The following ISG20 variants were observed in gnomAD, a reference collection of about 807,000 sequenced individuals.
ISG20 encodes the protein interferon stimulated exonuclease gene 20, also known as interferon-stimulated gene 20 kDa protein.
A neutral mutation model predicts 11.1 loss-of-function variants in ISG20; 8 were observed. That is an observed-to-expected ratio of 0.72 (90% CI 0.42 to 1.30). ISG20 has a LOEUF of 1.30. ISG20 is among the 50% of genes most tolerant of loss of function. ISG20 has a pLI of 0.01. For synonymous variants in ISG20, 110 were observed against 101.7 expected, an observed-to-expected ratio of 1.08 and a Z score of -0.49; for missense variants, 243 against 250.2, an observed-to-expected ratio of 0.97 and a Z score of 0.19.
intron 3 of ISG20, among the ~76,000 whole-genome samples, chr15:88,653,010 G>A (rs900494968): frequency 2.6e-5 from 4 of 151,986 alleles, no homozygotes; most frequent in Non-Finnish European, 4.4e-5. Flanking sequence ...AAAGGCATAC[G>A]GATATGGGGG....
intron 3 of ISG20, among the ~76,000 whole-genome samples, chr15:88,653,347 A>C (rs148800195): frequency 6.6e-6 from 1 of 152,254 alleles, no homozygotes; most frequent in Non-Finnish European, 1.5e-5. Context: ...GTCTTAGTCA[A>C]GGAGGGCAGA....
rs755528093 is a variant in ISG20 at position 88,652,160 on chromosome 15, C to A, written c.279C>A (p.His93Gln). The change falls in exon 3 of 4, where the codon CAC (histidine) becomes CAA (glutamine). Residue 93 changes from histidine (H) to glutamine (Q), a missense_variant. His to Gln is a conservative substitution (Grantham distance 24). Transcript: ENST00000306072. ...GKLVVGHDLKHDFQALKEDMS... is the reference protein window; with the variant it reads ...GKLVVGHDLKQDFQALKEDMS... The stretch of plus-strand genomic sequence containing the variant: ...TGGTGGTGGGTCATGACCTGAAGCA[C>A]GACTTCCAGGCACTGAAAGAGGACA... The A allele has an allele frequency of 2.5e-6, 4 of 1,614,086 alleles. No individual in the cohort carries two copies. The highest frequency in any genetic ancestry group is 3.4e-6 in the Non-Finnish European group (4 of 1,179,996).
At chr15:88,642,856 T>C (rs28479644) in intron 2 of ISG20, among the ~76,000 whole-genome samples, 68,221 of 151,852 alleles carry the variant, frequency 0.45, 15,727 homozygotes, top group Non-Finnish European at 0.49. Context: ...CCTCAAGTGA[T>C]CCACCCACCT....
chr15:88,640,400 G>A (rs777010889), intron 2 of ISG20, among the ~76,000 whole-genome samples: 3 of 152,104 alleles, frequency 2.0e-5, no homozygotes, highest in Non-Finnish European at 4.4e-5. Context: ...TGCACTGGCC[G>A]CTCCCCTAAG....
At chr15:88,654,975 C>T (rs1037711016) in intron 3 of ISG20, among the ~76,000 whole-genome samples, 2 of 152,174 alleles carry the variant, frequency 1.3e-5, no homozygotes, top group Non-Finnish European at 1.5e-5. Context: ...TCCCTGCCTC[C>T]GAAATGCTTG....
rs547664272 is a variant in ISG20, at chr15:88,639,447, T to C, written c.81T>C (p.Arg27=). 57 of 1,614,078 alleles carry C rather than the reference T, an allele frequency of 3.5e-5. No homozygotes were observed. The South Asian group carries it at 5.9e-4, about 17-fold the overall frequency. The part of the protein sequence containing the change: ...LGPHRESGLA[R]CSLVNVHGAV... ...CCCACCGGGAGAGTGGCCTGGCTCG[T>C]TGCAGCCTCGTGAACGTCCACGGTG... Residue 27 remains arginine, a synonymous_variant, in exon 2 of 4, where the codon CGT becomes CGC. Coordinates refer to ENST00000306072, the MANE Select transcript of ISG20 (RefSeq NM_002201.6). The surrounding 1 kb of genome is among the most constrained non-coding windows in gnomAD (Gnocchi z 4.2).
intron 2 of ISG20, chr15:88,646,980 G>A (rs12914346): frequency 0.41 from 61,797 of 152,262 alleles, 12,864 homozygotes; most frequent in Non-Finnish European, 0.46. Flanking sequence ...CATGTTGGCC[G>A]TGCTGGTCTT....
upstream of ISG20, chr15:88,636,146 T>C (rs566141950): frequency 5.2e-5 from 8 of 152,392 alleles, no homozygotes; most frequent in South Asian, 1.7e-3. Flanking sequence ...GGCCGACTTG[T>C]ACCTGTTATG....
At chr15:88,648,350 C>T (rs1596055161) in intron 2 of ISG20, 1 of 152,288 alleles carries the variant, frequency 6.6e-6, no homozygotes, top group South Asian at 2.1e-4. Flanking sequence ...CTGGATATTT[C>T]AATTCAGTAG....
At position 88,650,228 on chromosome 15, in the gene ISG20, T is replaced by C; in HGVS notation, c.229-1882T>C. ...CCTAATAGAGCTCACATCTGTTCTA[T>C]TTTCAGGTCCCCTTCCCATCCTCTC... is the stretch of plus-strand genomic sequence containing the variant. On this transcript the variant is annotated intron_variant, in intron 2 of 3. Transcript: ENST00000306072. The surrounding 1 kb of genome is among the most constrained non-coding windows in gnomAD (Gnocchi z 4.0). 6.5e-7 allele frequency: 1 copy of C among 1,535,418 alleles called. No homozygotes were observed. Among genetic ancestry groups the C allele is most frequent in the South Asian group, 1.2e-5 (1 of 84,058 alleles).
intron 2 of ISG20, chr15:88,651,038 C>T: frequency 4.8e-6 from 1 of 210,370 alleles, no homozygotes; most frequent in Non-Finnish European, 8.2e-6. Context: ...GCTGGGATTA[C>T]AGACGTGAGA....
intron 2 of ISG20, chr15:88,649,768 C>T (rs11854634): frequency 0.5 from 83,059 of 167,772 alleles, 21,736 homozygotes; most frequent in Middle Eastern, 0.6. Context: ...GTTTGAGAAG[C>T]GCTGGTGTGG....
rs533977075 is a variant in ISG20 at position 88,645,420 on chromosome 15, G to A, written c.228+5826G>A. Among the ~76,000 whole-genome samples the A allele has an allele frequency of 2.2e-4, 33 of 152,148 alleles. No individual in the cohort carries two copies. In the South Asian group the frequency reaches 6.2e-3, roughly 29 times the overall value. ...ACTTCTCTTGGGAACTGCGGTCTTC[G>A]ATGCTGACCCTCGTTTTCTGCCGGC... On this transcript the variant is annotated intron_variant, in intron 2 of 3. Coordinates refer to ENST00000306072, the MANE Select transcript of ISG20 (RefSeq NM_002201.6).
At chr15:88,638,300 T>C (rs909879149), upstream of ISG20, among the ~76,000 whole-genome samples, 6 of 152,214 alleles carry the variant, frequency 3.9e-5, no homozygotes, top group East Asian at 7.7e-4. Flanking sequence ...ATTCACTAAA[T>C]ACCAAGCCCT....
chr15:88,643,341 T>TA lies in ISG20; in HGVS notation c.228+3751dup. 6.6e-6 allele frequency among the ~76,000 whole-genome samples: 1 copy of TA among 152,332 alleles called. No individual in the cohort carries two copies. Among genetic ancestry groups the TA allele is most frequent in the African/African-American group, 2.4e-5 (1 of 41,584 alleles). ...AGTATTTTGGATATGTTAGGTTAAATAAAACGTTAAAATTAATTTCACCTA... is the reference window on the plus strand; with the variant it reads ...AGTATTTTGGATATGTTAGGTTAAATAAAAACGTTAAAATTAATTTCACCTA... On this transcript the variant is annotated intron_variant, in intron 2 of 3. Coordinates refer to ENST00000306072, the MANE Select transcript of ISG20 (RefSeq NM_002201.6). This position sits in a 1 kb window ranked among gnomAD's most constrained non-coding sequence, Gnocchi z 4.4.
upstream of ISG20, among the ~76,000 whole-genome samples, chr15:88,636,757 T>A (rs1567110726): frequency 2.0e-5 from 3 of 152,130 alleles, no homozygotes; most frequent in Non-Finnish European, 4.4e-5. Flanking sequence ...TGGTCTCGAA[T>A]TCCTGGCCTC....
In ISG20 at chr15:88,655,803, G is replaced by A; in HGVS notation, c.*272G>A. ...ATCTTGAATCCTGTGGGTCCAAAAT[G>A]TGGCTTGGAAATCTAAGTAGCATGT... is the stretch of plus-strand genomic sequence containing the variant. On this transcript the variant is annotated 3_prime_UTR_variant, in exon 4 of 4. Transcript: ENST00000306072. 2 of 306,162 alleles carry A rather than the reference G, an allele frequency of 6.5e-6. No individual in the cohort carries two copies. Among genetic ancestry groups the A allele is most frequent in the Non-Finnish European group, 1.2e-5 (2 of 165,232 alleles). The allele number at this position is 306,162 out of a possible 1,614,324, so 19.0% of individuals were successfully genotyped here.
chr15:88,646,598 T>C (rs969128059), intron 2 of ISG20, among the ~76,000 whole-genome samples: 1 of 152,120 alleles, frequency 6.6e-6, no homozygotes, highest in Non-Finnish European at 1.5e-5. Context: ...TTTGATCCCA[T>C]TTATCATCCA....
chr15:88,646,654 T>C (rs1164598812), intron 2 of ISG20, among the ~76,000 whole-genome samples: 1 of 152,182 alleles, frequency 6.6e-6, no homozygotes, highest in Non-Finnish European at 1.5e-5. Context: ...GGCCCCCAAA[T>C]GTGCTGAGGG....
Sources: allele counts gnomAD v4.1 joint callset (sites outside exome capture counted in the v4.1 genomes callset), GRCh38; gene constraint gnomAD v4.1.1; non-coding constraint Gnocchi (gnomAD v3.1); transcripts MANE v1.5; gene names NCBI Gene and HGNC (gene_info 2026-07-23, HGNC 2026-07-21).